Variants in PPP1R7 observed in about 807,000 individuals in gnomAD.
The protein encoded by PPP1R7 is protein phosphatase 1 regulatory subunit 22.
PPP1R7 carries 18 observed loss-of-function variants against 45.2 expected under a neutral mutation model. That is an observed-to-expected ratio of 0.40 (90% CI 0.28 to 0.59). The LOEUF is 0.59. PPP1R7 is among the 20% of genes least tolerant of loss of function. The pLI, the probability that PPP1R7 is intolerant of heterozygous loss-of-function variation, is 0.46. For missense variants in PPP1R7, 314 were observed against 455.8 expected (o/e 0.69, Z 2.83); for synonymous variants, 181 against 183.4 (o/e 0.99, Z 0.11).
At chr2:241,160,018 T>TGACA (rs1424188906) in intron 5 of PPP1R7, among the ~76,000 whole-genome samples, 1 of 152,222 alleles carries the variant, frequency 6.6e-6, no homozygotes, top group East Asian at 1.9e-4. Context: ...GAGCCTGGTG[T>TGACA]GAGGTCCTGT....
Position 241,168,246 on chromosome 2 carries a change from T to C in PPP1R7, c.820-1535T>C, listed in dbSNP as rs540649618. Among the ~76,000 whole-genome samples, 3 of 152,338 alleles carry C rather than the reference T, an allele frequency of 2.0e-5. No individual in the cohort carries two copies. In the East Asian group the frequency reaches 5.8e-4, roughly 29 times the overall value. On this transcript the variant is annotated intron_variant, in intron 8 of 9. Transcript: ENST00000234038. ...AGTGTTGAGTGCCTACATGGATCCC[T>C]GAGCTCAGAGGTGATGGACCGGTTC...
upstream of PPP1R7, chr2:241,149,601 G>C (rs187718988): frequency 6.6e-5 from 99 of 1,510,080 alleles, no homozygotes; most frequent in East Asian, 2.4e-3. Flanking sequence ...GGTTGCTAGG[G>C]ACGCACCAAA....
chr2:241,156,200 G>C (rs1442272373), intron 2 of PPP1R7, among the ~76,000 whole-genome samples: 2 of 152,218 alleles, frequency 1.3e-5, no homozygotes, highest in African/African-American at 4.8e-5. Context: ...GTTTGCTCTA[G>C]GAAGAGCCAC....
At chr2:241,176,672 G>A (rs984689809) in intron 9 of PPP1R7, among the ~76,000 whole-genome samples, 1 of 152,092 alleles carries the variant, frequency 6.6e-6, no homozygotes, top group African/African-American at 2.4e-5. Flanking sequence ...TGTTGGCCAG[G>A]CTGGTCTTGA....
chr2:241,173,005 G>A (rs1197013441), intron 9 of PPP1R7, among the ~76,000 whole-genome samples: 1 of 151,468 alleles, frequency 6.6e-6, no homozygotes, highest in African/African-American at 2.4e-5. Context: ...AATAAATAGA[G>A]ATGGGGCCAG....
intron 9 of PPP1R7, among the ~76,000 whole-genome samples, chr2:241,178,549 T>C (rs113350737): frequency 7.5e-6 from 1 of 134,194 alleles, no homozygotes; most frequent in Non-Finnish European, 1.6e-5. Flanking sequence ...CTCCACCTCC[T>C]GGGTTCACAC....
intron 2 of PPP1R7, among the ~76,000 whole-genome samples, chr2:241,156,139 G>C (rs1041328721): frequency 3.0e-4 from 45 of 152,304 alleles, no homozygotes; most frequent in African/African-American, 1.1e-3. Flanking sequence ...CCAGCCCTTG[G>C]CATGGGGTCC....
intron 7 of PPP1R7, among the ~76,000 whole-genome samples, chr2:241,165,773 T>C (rs1163568918): frequency 6.6e-6 from 1 of 151,292 alleles, no homozygotes; most frequent in East Asian, 2.0e-4. Context: ...TTTTTTGTAT[T>C]TTTTTCGTAG....
intron 4 of PPP1R7, 32 bp from the exon 5 acceptor site, chr2:241,159,181 C>G (rs768542904): frequency 1.2e-6 from 2 of 1,609,846 alleles, no homozygotes; most frequent in Non-Finnish European, 1.7e-6. Context: ...TCCCCCTTGC[C>G]TGTGTCAATT....
rs1247196893 is a variant in PPP1R7 at position 241,158,441 on chromosome 2, G to A, written c.238-43G>A. The A allele has an allele frequency of 1.9e-6, 3 of 1,601,190 alleles. 1 individual carries two copies. In the African/African-American group the frequency reaches 4.0e-5, roughly 21 times the overall value. On this transcript the variant is annotated intron_variant, in intron 3 of 9. Transcript: ENST00000234038. ...TCTTCTAGGACGACACAGGTCTCCAGCCACTTTGCTATAGCTGAGTATAGA... is the reference window on the plus strand; with the variant it reads ...TCTTCTAGGACGACACAGGTCTCCAACCACTTTGCTATAGCTGAGTATAGA...
At chr2:241,168,504 A>G (rs1247153725) in intron 8 of PPP1R7, among the ~76,000 whole-genome samples, 3 of 151,694 alleles carry the variant, frequency 2.0e-5, no homozygotes, top group South Asian at 2.1e-4. Flanking sequence ...TCGTTGGATT[A>G]CCCACAGTCG....
chr2:241,160,293 C>T (rs537918898), intron 5 of PPP1R7, 39 bp from the exon 6 acceptor site: 12 of 1,535,014 alleles, frequency 7.8e-6, no homozygotes, highest in Middle Eastern at 2.3e-4. Context: ...AACCTATGCT[C>T]GTGAAATTTT....
intron 3 of PPP1R7, 112 bp from the exon 4 acceptor site, chr2:241,158,372 C>T: frequency 2.1e-6 from 2 of 944,268 alleles, no homozygotes; most frequent in Non-Finnish European, 3.4e-6. Flanking sequence ...GCTGCAGACC[C>T]ACCTGGCACT....
In PPP1R7 at chr2:241,183,015, C is replaced by A; in HGVS notation, c.*192C>A. On this transcript the variant is annotated 3_prime_UTR_variant, in exon 10 of 10. Transcript: ENST00000234038. Reference sequence around the variant, plus strand: ...CAGATGCCGTTGCAATTAAATCTTGCCACACTGTCCTCCTGGGTGATTGTT... The same window carrying A: ...CAGATGCCGTTGCAATTAAATCTTGACACACTGTCCTCCTGGGTGATTGTT... The A allele has an allele frequency of 1.6e-6, 1 of 619,712 alleles. No individual in the cohort carries two copies. The highest frequency in any genetic ancestry group is 2.8e-6 in the Non-Finnish European group (1 of 357,120). The allele number at this position is 619,712 out of a possible 1,614,324, so 38.4% of individuals were successfully genotyped here. A position where few individuals can be genotyped will look rare whatever the true frequency, so the allele number is the denominator to read the frequency against.
In PPP1R7 at chr2:241,150,525, A is replaced by G; in HGVS notation, c.30A>G (p.Gln10=). 6.3e-7 allele frequency: 1 copy of G among 1,598,964 alleles called. No homozygotes were observed. The highest frequency in any genetic ancestry group is 8.5e-7 in the Non-Finnish European group (1 of 1,174,162). ...CGGCGGAACGCGGCGCGGGGCAGCA[A>G]CAGTCGCAGGAGATGATGGAGGGTG... MAAERGAGQ[Q]QSQEMMEVDR... is the part of the protein sequence containing the mutation. The change falls in exon 1 of 10, where the codon CAA becomes CAG. Residue 10 remains glutamine, a synonymous_variant. Transcript: ENST00000234038.
chr2:241,165,270 G>A (rs1232526794), intron 7 of PPP1R7, among the ~76,000 whole-genome samples: 1 of 151,430 alleles, frequency 6.6e-6, no homozygotes, highest in Non-Finnish European at 1.5e-5. Context: ...GGGTTCAAGC[G>A]ATTCTCCTGC....
chr2:241,150,407 C>T (rs765714402), upstream of PPP1R7: 737 of 1,147,406 alleles, frequency 6.4e-4, 2 homozygotes, highest in South Asian at 1.5e-3. Flanking sequence ...GCGCCGGAAT[C>T]CCATTGGCAG....
At chr2:241,160,260 T>G in intron 5 of PPP1R7, 72 bp from the exon 6 acceptor site, 9 of 1,228,652 alleles carry the variant, frequency 7.3e-6, no homozygotes, top group Admixed American at 2.6e-5. Context: ...CCACCTTTAG[T>G]GGTTAAATTG....
rs900792061 is a variant in PPP1R7, at chr2:241,165,587, T to TTTTG, written c.715-735_715-732dup. Among the ~76,000 whole-genome samples, 9 of 152,078 alleles carry TTTTG rather than the reference T, an allele frequency of 5.9e-5. No homozygotes were observed. The East Asian group carries it at 1.4e-3, about 23-fold the overall frequency. Reference sequence around the variant, plus strand: ...TACATGAGTCCCATTCTAGCATGTTTTTTGTTTGTTTGTTTGTTCGTTTTG... The same window carrying TTTTG: ...TACATGAGTCCCATTCTAGCATGTTTTTTGTTTGTTTGTTTGTTTGTTCGTTTTG... On this transcript the variant is annotated intron_variant, in intron 7 of 9. Coordinates refer to ENST00000234038, the MANE Select transcript of PPP1R7 (RefSeq NM_002712.3).
Sources: gnomAD v4.1 joint callset for allele counts (sites outside exome capture counted in the v4.1 genomes callset) on GRCh38, gnomAD v4.1.1 for gene constraint, MANE v1.5 for transcripts, NCBI Gene and HGNC (gene_info 2026-07-23, HGNC 2026-07-21) for gene names.